The following LCE1C variants were observed in gnomAD, a reference collection of about 807,000 sequenced individuals.
LCE1C encodes the protein late cornified envelope protein 1C.
In LCE1C, 1 loss-of-function variant was observed where a neutral mutation model predicts 0.7. That is an observed-to-expected ratio of 1.44 (90% CI 0.51 to 6.83). The LOEUF is 6.83. LCE1C is among the 30% of genes most tolerant of loss of function. LCE1C has a pLI of 0.14. For synonymous variants in LCE1C, 72 were observed against 57.9 expected, an observed-to-expected ratio of 1.24 and a Z score of -1.10; for missense variants, 136 against 149.6, an observed-to-expected ratio of 0.91 and a Z score of 0.48.
rs556961131 is a variant in LCE1C, at chr1:152,805,978, C to T, written c.-20-480G>A. Reference sequence around the variant, plus strand: ...GTACAATTGTAAATGGTTTTGGAGACAGGCTGGTCTCACAGGCTCCCTTTG... The same window carrying T: ...GTACAATTGTAAATGGTTTTGGAGATAGGCTGGTCTCACAGGCTCCCTTTG... On this transcript the variant is annotated intron_variant, in intron 1 of 1. Transcript: ENST00000607093. Among the ~76,000 whole-genome samples the T allele has an allele frequency of 2.0e-5, 3 of 152,246 alleles. No individual in the cohort carries two copies. In the South Asian group the frequency reaches 6.2e-4, roughly 32 times the overall value.
In LCE1C at chr1:152,805,330, C is replaced by G; in HGVS notation, c.149G>C (p.Gly50Ala). ...VSSCCSVSSG[G>A]CCGSSSGGSC... ...GCCCCCAGAGCTGGAGCCACAGCAG[C>G]CTCCGGAGCTGACACTGCAGCAGGA... Residue 50 changes from glycine (G) to alanine (A), a missense_variant, in exon 2 of 2, where the codon GGC becomes GCC. Transcript: ENST00000607093. The G allele has an allele frequency of 6.2e-7, 1 of 1,614,104 alleles. No individual in the cohort carries two copies. The highest frequency in any genetic ancestry group is 1.3e-5 in the African/African-American group (1 of 75,006).
chr1:152,805,593 T>A, intron 1 of LCE1C, 95 bp from the exon 2 acceptor site: 1 of 952,844 alleles, frequency 1.0e-6, no homozygotes, highest in African/African-American at 1.6e-5. Context: ...TTTATTTTGA[T>A]GAACTGTTCA....
rs1048535 is a variant in LCE1C at position 152,804,989 on chromosome 1, A to G, written c.*133T>C. On this transcript the variant is annotated 3_prime_UTR_variant, in exon 2 of 2. Coordinates refer to ENST00000607093, the MANE Select transcript of LCE1C (RefSeq NM_178351.4). ...GATCTGAGTTTCTGGACTCCAGGGA[A>G]AAGATATGCTCTTGGCAAGTTCAGA... The G allele has an allele frequency of 0.31, 346,749 of 1,134,050 alleles. 57,200 individuals carry two copies. Among genetic ancestry groups the G allele is most frequent in the Non-Finnish European group, 0.35 (275,610 of 789,908 alleles). The allele number at this position is 1,134,050 out of a possible 1,614,324, so 70.2% of individuals were successfully genotyped here.
chr1:152,805,912 G>C (rs1029880125), intron 1 of LCE1C, among the ~76,000 whole-genome samples: 1 of 152,174 alleles, frequency 6.6e-6, no homozygotes, highest in African/African-American at 2.4e-5. Flanking sequence ...ATCTCTTGGA[G>C]TAACTTCCTA....
Position 152,806,557 on chromosome 1 carries a change from A to G in LCE1C, c.-21+44T>C, listed in dbSNP as rs1262288580. 2.0e-5 allele frequency: 3 copies of G among 152,366 alleles called. No individual in the cohort carries two copies. In the East Asian group the frequency reaches 5.8e-4, roughly 29 times the overall value. The allele number at this position is 152,366 out of a possible 1,614,324, so 9.4% of individuals were successfully genotyped here. On this transcript the variant is annotated intron_variant, in intron 1 of 1. Coordinates refer to ENST00000607093, the MANE Select transcript of LCE1C (RefSeq NM_178351.4). ...CTCCCCTCCTGCCTAGGGCTGAGCA[A>G]CACTCTGTGGAAGCCCCAGCAACTA...
chr1:152,804,934 C>T lies in LCE1C; in HGVS notation c.*188G>A. On this transcript the variant is annotated 3_prime_UTR_variant, in exon 2 of 2. Coordinates refer to ENST00000607093, the MANE Select transcript of LCE1C (RefSeq NM_178351.4). ...GGGAGGGTAGCCACAAAGGTGAGGT[C>T]CAAGGCCAGTGAATGGAGATCCAGG... The T allele has an allele frequency of 1.3e-6, 1 of 748,830 alleles. No individual in the cohort carries two copies. The highest frequency in any genetic ancestry group is 2.2e-6 in the Non-Finnish European group (1 of 451,282). The allele number at this position is 748,830 out of a possible 1,614,324, so 46.4% of individuals were successfully genotyped here.
In LCE1C at chr1:152,805,180, G is replaced by C; in HGVS notation, c.299C>G (p.Ser100Trp). ...CCCGCCACAGCAGCTGGAGCCCCCC[G>C]AGGGCTGGCTGCAGCAGCCAGAGCT... ...PQSSGCCSQP[S>W]GGSSCCGGGS... Residue 100 changes from serine to tryptophan, a missense_variant, in exon 2 of 2, where the codon TCG becomes TGG. Physicochemically the swap from Ser to Trp is radical, Grantham distance 177. Coordinates refer to ENST00000607093, the MANE Select transcript of LCE1C (RefSeq NM_178351.4). 6.2e-7 allele frequency: 1 copy of C among 1,613,342 alleles called. No homozygotes were observed. Among genetic ancestry groups the C allele is most frequent in the Non-Finnish European group, 8.5e-7 (1 of 1,179,714 alleles).
chr1:152,806,212 G>A (rs1652336418), intron 1 of LCE1C, among the ~76,000 whole-genome samples: 1 of 152,164 alleles, frequency 6.6e-6, no homozygotes. Flanking sequence ...GTTTCAAAAA[G>A]CCCTAAAAGA....
In LCE1C at chr1:152,805,038, T is replaced by C; in HGVS notation, c.*84A>G. On this transcript the variant is annotated 3_prime_UTR_variant, in exon 2 of 2. Coordinates refer to ENST00000607093, the MANE Select transcript of LCE1C (RefSeq NM_178351.4). ...GAGCTTTCCCTTGGACCTGTGAGCC[T>C]CTCAGGCAGGCCTAGTAGGAGAAGG... 6.8e-7 allele frequency: 1 copy of C among 1,476,176 alleles called. No homozygotes were observed. Among genetic ancestry groups the C allele is most frequent in the Non-Finnish European group, 9.1e-7 (1 of 1,097,804 alleles). The allele number at this position is 1,476,176 out of a possible 1,614,324, so 91.4% of individuals were successfully genotyped here.
At chr1:152,805,542 C>T in intron 1 of LCE1C, 44 bp from the exon 2 acceptor site, 17 of 1,393,312 alleles carry the variant, frequency 1.2e-5, no homozygotes, top group Non-Finnish European at 1.5e-5. Flanking sequence ...GCAGAGGCCA[C>T]CCCTGCCTAT....
intron 1 of LCE1C, among the ~76,000 whole-genome samples, chr1:152,806,276 T>C (rs1652337768): frequency 6.6e-6 from 1 of 152,194 alleles, no homozygotes; most frequent in Admixed American, 6.5e-5. Context: ...CAGCTCAAAT[T>C]TGCAAGGAGT....
chr1:152,805,752 T>C (rs1652322766), intron 1 of LCE1C, among the ~76,000 whole-genome samples: 1 of 152,212 alleles, frequency 6.6e-6, no homozygotes, highest in African/African-American at 2.4e-5. Flanking sequence ...ACTGAGGCAG[T>C]AAGCCATATG....
rs1466702566 is a variant in LCE1C at position 152,805,031 on chromosome 1, G to A, written c.*91C>T. The A allele has an allele frequency of 1.4e-6, 2 of 1,445,238 alleles. No individual in the cohort carries two copies. The highest frequency in any genetic ancestry group is 1.9e-6 in the Non-Finnish European group (2 of 1,070,050). The allele number at this position is 1,445,238 out of a possible 1,614,324, so 89.5% of individuals were successfully genotyped here. ...AAGTTCAGAGCTTTCCCTTGGACCTGTGAGCCTCTCAGGCAGGCCTAGTAG... is the reference window on the plus strand; with the variant it reads ...AAGTTCAGAGCTTTCCCTTGGACCTATGAGCCTCTCAGGCAGGCCTAGTAG... On this transcript the variant is annotated 3_prime_UTR_variant, in exon 2 of 2. Transcript: ENST00000607093.
At chr1:152,805,935 T>C (rs1348809893) in intron 1 of LCE1C, among the ~76,000 whole-genome samples, 1 of 152,204 alleles carries the variant, frequency 6.6e-6, no homozygotes, top group African/African-American at 2.4e-5. Context: ...AGACTTTGTC[T>C]TGTAAAAACC....
chr1:152,806,099 C>A (rs1286018096), intron 1 of LCE1C, among the ~76,000 whole-genome samples: 1 of 152,188 alleles, frequency 6.6e-6, no homozygotes, highest in Non-Finnish European at 1.5e-5. Context: ...ATATTCATCA[C>A]GCAACGGCCT....
rs1329385702 is a variant in LCE1C at position 152,804,834 on chromosome 1, C to T, written c.*288G>A. On this transcript the variant is annotated 3_prime_UTR_variant, in exon 2 of 2. Transcript: ENST00000607093. Reference sequence around the variant, plus strand: ...CATAGAACAAGACACTGAGCAGATTCCTTGTTTTAGTCCTTTAATCAGCAG... The same window carrying T: ...CATAGAACAAGACACTGAGCAGATTTCTTGTTTTAGTCCTTTAATCAGCAG... 5 of 426,460 alleles carry T rather than the reference C, an allele frequency of 1.2e-5. No individual in the cohort carries two copies. Among genetic ancestry groups the T allele is most frequent in the East Asian group, 7.4e-5 (2 of 27,178 alleles). The allele number at this position is 426,460 out of a possible 1,614,324, so 26.4% of individuals were successfully genotyped here.
chr1:152,805,647 T>C (rs1652320993), intron 1 of LCE1C, 149 bp from the exon 2 acceptor site: 4 of 703,984 alleles, frequency 5.7e-6, no homozygotes, highest in Non-Finnish European at 9.6e-6. Context: ...TTGTTGTTTC[T>C]TGTAGTTTGG....
Position 152,805,286 on chromosome 1 carries a change from C to G in LCE1C, c.193G>C (p.Gly65Arg), listed in dbSNP as rs1416299402. Residue 65 changes from glycine to arginine, a missense_variant, in exon 2 of 2, where the codon GGG becomes CGG. Transcript: ENST00000607093. ...SSGGSCGSSS[G>R]GCCSSGGGGC... is the part of the protein sequence containing the mutation. ...CCTCCCCCAGAACTGCAGCATCCCC[C>G]AGAGCTGGAGCCACAGCTGCCCCCA... is the stretch of plus-strand genomic sequence containing the variant. 1.2e-6 allele frequency: 2 copies of G among 1,613,860 alleles called. No individual in the cohort carries two copies. Among genetic ancestry groups the G allele is most frequent in the African/African-American group, 2.7e-5 (2 of 74,888 alleles).
rs1652283112 is a variant in LCE1C at position 152,804,914 on chromosome 1, G to A, written c.*208C>T. 1.6e-6 allele frequency: 1 copy of A among 644,748 alleles called. No individual in the cohort carries two copies. Among genetic ancestry groups the A allele is most frequent in the Non-Finnish European group, 2.7e-6 (1 of 370,840 alleles). 39.9% of individuals were successfully genotyped at this position (644,748 alleles called of 1,614,324 possible). The stretch of plus-strand genomic sequence containing the variant: ...TAGGGGCTTAGACAGAGCGTGGGAG[G>A]GTAGCCACAAAGGTGAGGTCCAAGG... On this transcript the variant is annotated 3_prime_UTR_variant, in exon 2 of 2. Coordinates refer to ENST00000607093, the MANE Select transcript of LCE1C (RefSeq NM_178351.4).
Sources: gnomAD v4.1 joint callset for allele counts (sites outside exome capture counted in the v4.1 genomes callset) on GRCh38, gnomAD v4.1.1 for gene constraint, MANE v1.5 for transcripts, NCBI Gene and HGNC (gene_info 2026-07-23, HGNC 2026-07-21) for gene names.